SLITRK2: variants seen among roughly 807,000 people sequenced by gnomAD.
SLITRK2 encodes the protein SLIT and NTRK like family member 2.
SLITRK2 carries 13 observed loss-of-function variants against 35.4 expected under a neutral mutation model. That is an observed-to-expected ratio of 0.37 (90% CI 0.24 to 0.58). The LOEUF (loss-of-function observed/expected upper bound fraction) is 0.58. Ranked by LOEUF, SLITRK2 falls within the 20% of genes least tolerant of loss-of-function variation. SLITRK2 has a pLI of 0.75. For missense variants in SLITRK2, 471 were observed against 634.3 expected, an observed-to-expected ratio of 0.74 and a Z score of 2.76; for synonymous variants, 294 against 264.7, an observed-to-expected ratio of 1.11 and a Z score of -1.07.
chrX:145,824,362 G>GC lies in SLITRK2; in HGVS notation c.1939dup (p.Arg647ProfsTer29). Reference sequence around the variant, plus strand: ...GGTTTATTCGTCTTTGTCTTGAAACGCCGAAAGGGAGTGCCGAGCGTTCCC... The same window carrying GC: ...GGTTTATTCGTCTTTGTCTTGAAACGCCCGAAAGGGAGTGCCGAGCGTTCCC... On this transcript the variant is annotated frameshift_variant, in exon 5 of 5. Coordinates refer to ENST00000335565, the MANE Select transcript of SLITRK2 (RefSeq NM_032539.5). LOFTEE classifies it high-confidence loss of function. The GC allele has an allele frequency of 8.3e-7, 1 of 1,210,938 alleles. No homozygotes were observed. The highest frequency in any genetic ancestry group is 1.1e-6 in the Non-Finnish European group (1 of 895,309).
rs1556946194 is a variant in SLITRK2, at chrX:145,827,936, A to G, written c.*2973A>G. On this transcript the variant is annotated 3_prime_UTR_variant, in exon 5 of 5. Transcript: ENST00000335565. Reference sequence around the variant, plus strand: ...TAAGACGTATGAGCATCAGCACAGCAAAATGGTTCCAGCCTACAGAATGCA... The same window carrying G: ...TAAGACGTATGAGCATCAGCACAGCGAAATGGTTCCAGCCTACAGAATGCA... 8.3e-7 allele frequency: 1 copy of G among 1,211,464 alleles called. No homozygotes were observed.
intron 1 of SLITRK2, chrX:145,818,289 C>T (rs2072923315): frequency 1.8e-5 from 2 of 112,977 alleles, no homozygotes; most frequent in Admixed American, 9.2e-5. Flanking sequence ...AGGGAGGGCC[C>T]ACGCACCCGG....
chrX:145,827,523 T>C lies in SLITRK2; in HGVS notation c.*2560T>C. The C allele has an allele frequency of 2.2e-6, 1 of 461,750 alleles. No homozygotes were observed. The highest frequency in any genetic ancestry group is 6.6e-4 in the Middle Eastern group (1 of 1,518). 38.1% of individuals were successfully genotyped at this position (461,750 alleles called of 1,213,427 possible). The stretch of plus-strand genomic sequence containing the variant: ...ATTAAGTTTAAAGACAGATGATACC[T>C]TAATATTAACTTACTTACACGATTT... On this transcript the variant is annotated 3_prime_UTR_variant, in exon 5 of 5. Transcript: ENST00000335565.
At position 145,822,231 on chromosome X, in the gene SLITRK2, G is replaced by T. The variant is rs149538205; in HGVS notation, c.-44+78G>T. 3.4e-5 allele frequency: 14 copies of T among 417,591 alleles called. No homozygotes were observed. The South Asian group carries it at 6.1e-4, about 18-fold the overall frequency. The allele number at this position is 417,591 out of a possible 1,213,427, so 34.4% of individuals were successfully genotyped here. ...GAATAGGGAGCGGAGAAAAGAAACC[G>T]CTTTGGAAAATGCAATGATTTCATT... On this transcript the variant is annotated intron_variant, in intron 4 of 4. Coordinates refer to ENST00000335565, the MANE Select transcript of SLITRK2 (RefSeq NM_032539.5).
In SLITRK2 at chrX:145,822,986, C is replaced by T. The variant is rs1556944027; in HGVS notation, c.561C>T (p.Asp187=). The T allele has an allele frequency of 8.3e-7, 1 of 1,209,379 alleles. No homozygotes were observed. The highest frequency in any genetic ancestry group is 1.1e-6 in the Non-Finnish European group (1 of 894,887). ...GCTTTGTCCTGCTGACCCACTTAGACCTCAGGGGGAATAGGCTAAAAGTAA... is the reference window on the plus strand; with the variant it reads ...GCTTTGTCCTGCTGACCCACTTAGATCTCAGGGGGAATAGGCTAAAAGTAA... ...VFRFVLLTHL[D]LRGNRLKVMP... is the part of the protein sequence containing the mutation. Residue 187 remains aspartate (D), a synonymous_variant, in exon 5 of 5, where the codon GAC becomes GAT. Transcript: ENST00000335565.
At position 145,829,455 on chromosome X, in the gene SLITRK2, G is replaced by A. The variant is rs2073154598; in HGVS notation, c.*4492G>A. On this transcript the variant is annotated 3_prime_UTR_variant, in exon 5 of 5. Coordinates refer to ENST00000335565, the MANE Select transcript of SLITRK2 (RefSeq NM_032539.5). ...GGCTTGTGCTTGAAAGTCTTCTGAA[G>A]TCTGATGTGAATTGAGCTATCAAGC... The A allele has an allele frequency of 8.1e-6, 1 of 122,878 alleles. No individual in the cohort carries two copies. Among genetic ancestry groups the A allele is most frequent in the Non-Finnish European group, 1.9e-5 (1 of 53,207 alleles). The allele number at this position is 122,878 out of a possible 1,213,427, so 10.1% of individuals were successfully genotyped here.
At position 145,824,844 on chromosome X, in the gene SLITRK2, C is replaced by G. The variant is rs2124214482; in HGVS notation, c.2419C>G (p.Pro807Ala). ...CAATAAAACCGTTTTATATGGAACT[C>G]CCAGGAAATGCTTTGTGGGGCAGTC... Reference protein sequence around the residue: ...RINKTVLYGTPRKCFVGQSKP... With the variant: ...RINKTVLYGTARKCFVGQSKP... Residue 807 changes from proline to alanine, a missense_variant, in exon 5 of 5, where the codon CCC (proline) becomes GCC (alanine). By Grantham distance (27) the Pro-to-Ala change is conservative. This residue lies in a region of SLITRK2 where 190 missense variants were observed against 199.3 expected (regional missense o/e 0.95). Transcript: ENST00000335565. 8.3e-7 allele frequency: 1 copy of G among 1,211,730 alleles called. No homozygotes were observed. Among genetic ancestry groups the G allele is most frequent in the Non-Finnish European group, 1.1e-6 (1 of 895,564 alleles).
Position 145,824,822 on chromosome X carries a change from T to C in SLITRK2, c.2397T>C (p.Asn799=). 3.3e-6 allele frequency: 4 copies of C among 1,211,554 alleles called. No homozygotes were observed. The highest frequency in any genetic ancestry group is 4.5e-6 in the Non-Finnish European group (4 of 895,544). ...GACGCCAAAACCAAGACAGAATCAA[T>C]AAAACCGTTTTATATGGAACTCCCA... The part of the protein sequence containing the change: ...ESRRQNQDRI[N]KTVLYGTPRK... Residue 799 remains asparagine (N), a synonymous_variant, in exon 5 of 5, where the codon AAT becomes AAC. Coordinates refer to ENST00000335565, the MANE Select transcript of SLITRK2 (RefSeq NM_032539.5).
rs1052631623 is a variant in SLITRK2 at position 145,822,486 on chromosome X, A to G, written c.61A>G (p.Ser21Gly). The G allele has an allele frequency of 1.7e-6, 2 of 1,210,706 alleles. No homozygotes were observed. Among genetic ancestry groups the G allele is most frequent in the Middle Eastern group, 2.3e-4 (1 of 4,346 alleles). ...LTVAGILQTESRKTAKDICKI... is the reference protein window; with the variant it reads ...LTVAGILQTEGRKTAKDICKI... ...CGTGGCCGGGATCTTACAGACAGAG[A>G]GTCGCAAAACTGCCAAAGACATTTG... The change falls in exon 5 of 5, where the codon AGT (serine) becomes GGT (glycine). Residue 21 changes from serine to glycine, a missense_variant. By Grantham distance (56) the Ser-to-Gly change is moderately conservative (BLOSUM62 0). Transcript: ENST00000335565.
At chrX:145,818,623 C>T (rs1326889504) in intron 1 of SLITRK2, 1 of 112,773 alleles carries the variant, frequency 8.9e-6, no homozygotes, top group African/African-American at 3.2e-5. Flanking sequence ...CCCTCGTGGC[C>T]TGATGGGCGG....
At position 145,824,789 on chromosome X, in the gene SLITRK2, T is replaced by C; in HGVS notation, c.2364T>C (p.Tyr788=). 2 of 1,211,541 alleles carry C rather than the reference T, an allele frequency of 1.7e-6. No homozygotes were observed. Among genetic ancestry groups the C allele is most frequent in the South Asian group, 3.5e-5 (2 of 56,941 alleles). Residue 788 remains tyrosine, a synonymous_variant, in exon 5 of 5, where the codon TAT becomes TAC. Coordinates refer to ENST00000335565, the MANE Select transcript of SLITRK2 (RefSeq NM_032539.5). ...CTAAAAGGCAGTTTGCCCCTTCCTA[T>C]GAATCTCGACGCCAAAACCAAGACA... The part of the protein sequence containing the change: ...TLPKRQFAPS[Y]ESRRQNQDRI...
rs782590240 is a variant in SLITRK2, at chrX:145,824,379, A to G, written c.1954A>G (p.Ser652Gly). 2 of 1,211,085 alleles carry G rather than the reference A, an allele frequency of 1.7e-6. No individual in the cohort carries two copies. The highest frequency in any genetic ancestry group is 1.8e-5 in the South Asian group (1 of 56,920). ...CTTGAAACGCCGAAAGGGAGTGCCG[A>G]GCGTTCCCAGGAATACCAACAACTT... ...FVLKRRKGVPSVPRNTNNLDV... is the reference protein window; with the variant it reads ...FVLKRRKGVPGVPRNTNNLDV... The change falls in exon 5 of 5, where the codon AGC (serine) becomes GGC (glycine). Residue 652 changes from serine to glycine, a missense_variant. Around this residue, in one of 7 missense-constraint regions of SLITRK2, gnomAD observed 190 missense variants for 199.3 expected, o/e 0.95. Transcript: ENST00000335565.
chrX:145,826,365 T>G lies in SLITRK2; in HGVS notation c.*1402T>G, dbSNP rs1556945915. 8.9e-6 allele frequency: 1 copy of G among 112,228 alleles called. No homozygotes were observed. Among genetic ancestry groups the G allele is most frequent in the East Asian group, 2.8e-4 (1 of 3,588 alleles). 9.2% of individuals were successfully genotyped at this position (112,228 alleles called of 1,213,427 possible). ...GTACTATTTGCGTCTCCAAATCGAT[T>G]AATAGTTACCTAAACCAAGACATTA... On this transcript the variant is annotated 3_prime_UTR_variant, in exon 5 of 5. Transcript: ENST00000335565.
Position 145,829,268 on chromosome X carries a change from C to T in SLITRK2, c.*4305C>T, listed in dbSNP as rs1193482551. 8.1e-6 allele frequency: 1 copy of T among 123,869 alleles called. No individual in the cohort carries two copies. Among genetic ancestry groups the T allele is most frequent in the Non-Finnish European group, 1.9e-5 (1 of 53,448 alleles). 10.2% of individuals were successfully genotyped at this position (123,869 alleles called of 1,213,427 possible). Reference sequence around the variant, plus strand: ...TTTAGAGGAAACTTGTGAATTCTTTCATAAAGCAGAAAACCATTTTATAAT... The same window carrying T: ...TTTAGAGGAAACTTGTGAATTCTTTTATAAAGCAGAAAACCATTTTATAAT... On this transcript the variant is annotated 3_prime_UTR_variant, in exon 5 of 5. Coordinates refer to ENST00000335565, the MANE Select transcript of SLITRK2 (RefSeq NM_032539.5).
intron 1 of SLITRK2, chrX:145,819,079 C>A (rs2072944851): frequency 9.0e-6 from 1 of 111,254 alleles, no homozygotes; most frequent in African/African-American, 3.3e-5. Context: ...TTCCTTGATT[C>A]TGTAGGTCTC....
In SLITRK2 at chrX:145,827,808, C is replaced by A. The variant is rs2073140070; in HGVS notation, c.*2845C>A. ...TCCCCACTGACTATATTCTGTTTTG[C>A]TTTATCTGCTCAAGCACTTTCGACC... On this transcript the variant is annotated 3_prime_UTR_variant, in exon 5 of 5. Coordinates refer to ENST00000335565, the MANE Select transcript of SLITRK2 (RefSeq NM_032539.5). 1 of 1,211,734 alleles carries A rather than the reference C, an allele frequency of 8.3e-7. No homozygotes were observed. Among genetic ancestry groups the A allele is most frequent in the Non-Finnish European group, 1.1e-6 (1 of 895,479 alleles).
chrX:145,821,881 ATG>A lies in SLITRK2; in HGVS notation c.-193+2_-193+3del. The A allele has an allele frequency of 2.7e-5, 3 of 111,432 alleles. No homozygotes were observed. Among genetic ancestry groups the A allele is most frequent in the Non-Finnish European group, 5.6e-5 (3 of 53,874 alleles). 9.2% of individuals were successfully genotyped at this position (111,432 alleles called of 1,213,427 possible). ...AGGAGAGGGATTCAGTCTTCTCCTG[ATG>A]TGTGAGTAACCCCCACCTCGCACTG... On this transcript the variant is annotated splice_region_variant and 5_prime_UTR_variant, in exon 3 of 5. It removes an upstream start codon present in the reference 5' UTR. Transcript: ENST00000335565.
In SLITRK2 at chrX:145,826,086, C is replaced by T. The variant is rs781823113; in HGVS notation, c.*1123C>T. 2.7e-5 allele frequency: 3 copies of T among 110,955 alleles called. No individual in the cohort carries two copies. Among genetic ancestry groups the T allele is most frequent in the Non-Finnish European group, 3.8e-5 (2 of 52,961 alleles). 9.1% of individuals were successfully genotyped at this position (110,955 alleles called of 1,213,427 possible). A position where few individuals can be genotyped will look rare whatever the true frequency, so the allele number is the denominator to read the frequency against. ...TCTATAAACACACACCAGTAGAGGCCGCCACACACCTCATTTAACAAAGAC... is the reference window on the plus strand; with the variant it reads ...TCTATAAACACACACCAGTAGAGGCTGCCACACACCTCATTTAACAAAGAC... On this transcript the variant is annotated 3_prime_UTR_variant, in exon 5 of 5. Coordinates refer to ENST00000335565, the MANE Select transcript of SLITRK2 (RefSeq NM_032539.5).
rs1420067655 is a variant in SLITRK2 at position 145,828,038 on chromosome X, A to G, written c.*3075A>G. 8.9e-7 allele frequency: 1 copy of G among 1,119,487 alleles called. No individual in the cohort carries two copies. Among genetic ancestry groups the G allele is most frequent in the African/African-American group, 1.8e-5 (1 of 54,148 alleles). The allele number at this position is 1,119,487 out of a possible 1,213,427, so 92.3% of individuals were successfully genotyped here. ...ACAAATGGTAATTCCCTTCTATTTT[A>G]GCTCTTAATTAGTTGCTTTCACTAT... is the stretch of plus-strand genomic sequence containing the variant. On this transcript the variant is annotated 3_prime_UTR_variant, in exon 5 of 5. Transcript: ENST00000335565.
Sources: allele counts gnomAD v4.1 joint callset, GRCh38; gene constraint gnomAD v4.1.1; regional missense constraint gnomAD v4.1.1; transcripts MANE v1.5; gene names NCBI Gene and HGNC (gene_info 2026-07-23, HGNC 2026-07-21).